The following FAT4 variants were observed in gnomAD, a reference collection of about 807,000 sequenced individuals.
FAT4 encodes the protein protocadherin Fat 4.
A neutral mutation model predicts 303.9 loss-of-function variants in FAT4; 84 were observed. The observed-to-expected ratio is 0.28, with a 90% CI of 0.23 to 0.33. The LOEUF is 0.33. Among genes scored for constraint, FAT4 ranks in the 10% least tolerant of loss-of-function variants. The pLI is 1.00. For missense variants in FAT4, 6,005 were observed against 6,146.8 expected, an observed-to-expected ratio of 0.98 and a Z score of 0.77; for synonymous variants, 2,307 against 2,298.8, an observed-to-expected ratio of 1.00 and a Z score of -0.10.
chr4:125,338,665 AG>A (rs1380367015), intron 2 of FAT4, among the ~76,000 whole-genome samples: 2 of 152,120 alleles, frequency 1.3e-5, no homozygotes, highest in East Asian at 3.9e-4. Context: ...GTGATGAAAA[AG>A]TTTCACCAGC....
In FAT4 at chr4:125,320,548, C is replaced by T. The variant is rs1730894794; in HGVS notation, c.4137C>T (p.Asp1379=). 4 of 1,613,956 alleles carry T rather than the reference C, an allele frequency of 2.5e-6. No individual in the cohort carries two copies. The East Asian group carries it at 8.9e-5, about 36-fold the overall frequency. The part of the protein sequence containing the change: ...TGSIFLAKKL[D]FETQSLYKLN... Reference sequence around the variant, plus strand: ...GTATTTTTCTTGCCAAAAAACTGGACTTTGAAACACAGTCTTTGTATAAAT... The same window carrying T: ...GTATTTTTCTTGCCAAAAAACTGGATTTTGAAACACAGTCTTTGTATAAAT... Residue 1379 remains aspartate, a synonymous_variant, in exon 2 of 18, where the codon GAC becomes GAT. Transcript: ENST00000394329.
chr4:125,483,093 C>A (rs189283462), intron 16 of FAT4, among the ~76,000 whole-genome samples: 1 of 152,246 alleles, frequency 6.6e-6, no homozygotes, highest in Non-Finnish European at 1.5e-5. Flanking sequence ...TCATTAGTGC[C>A]AAATGGCAGA....
chr4:125,443,240 T>C (rs1725719415), intron 8 of FAT4, among the ~76,000 whole-genome samples: 1 of 152,212 alleles, frequency 6.6e-6, no homozygotes, highest in African/African-American at 2.4e-5. Flanking sequence ...CAGTGGTCTC[T>C]GTTTATGCAA....
chr4:125,343,954 A>G (rs1731897062), intron 2 of FAT4, among the ~76,000 whole-genome samples: 1 of 152,142 alleles, frequency 6.6e-6, no homozygotes, highest in South Asian at 2.1e-4. Context: ...GTTCTAATAG[A>G]TGATTTGATA....
At chr4:125,447,223 A>C in intron 9 of FAT4, among the ~76,000 whole-genome samples, 1 of 152,068 alleles carries the variant, frequency 6.6e-6, no homozygotes, top group East Asian at 1.9e-4. Context: ...TGCCATTTTA[A>C]TTTTTAAAAT....
intron 8 of FAT4, among the ~76,000 whole-genome samples, chr4:125,436,046 CGGGGGAGG>C (rs1725438242): frequency 1.4e-4 from 2 of 14,188 alleles, no homozygotes; most frequent in African/African-American, 5.9e-4. Flanking sequence ...GTCATGGGGT[CGGGGGAGG>C]GGGGGAGGGA....
chr4:125,324,603 C>T (rs973505558), intron 2 of FAT4, among the ~76,000 whole-genome samples: 1 of 152,128 alleles, frequency 6.6e-6, no homozygotes, highest in Non-Finnish European at 1.5e-5. Flanking sequence ...TGTCAGGAAA[C>T]TCAACAAGGA....
chr4:125,434,129 A>T lies in FAT4; in HGVS notation c.7019-116A>T, dbSNP rs1363906816. 8 of 884,652 alleles carry T rather than the reference A, an allele frequency of 9.0e-6. No individual in the cohort carries two copies. The East Asian group carries it at 2.1e-4, about 23-fold the overall frequency. The allele number at this position is 884,652 out of a possible 1,614,324, so 54.8% of individuals were successfully genotyped here. ...TCACTCAATCACTTATGTGTTCAGA[A>T]ATTTTACTTTGATGTTTCCTAAATT... On this transcript the variant is annotated intron_variant, in intron 7 of 17. Coordinates refer to ENST00000394329, the MANE Select transcript of FAT4 (RefSeq NM_001291303.3).
chr4:125,456,310 C>T (rs1268735471), intron 10 of FAT4, among the ~76,000 whole-genome samples: 1 of 152,116 alleles, frequency 6.6e-6, no homozygotes, highest in Non-Finnish European at 1.5e-5. Flanking sequence ...ATCATAAACT[C>T]TTTCTAGGGA....
Position 125,317,183 on chromosome 4 carries a change from G to C in FAT4, c.772G>C (p.Gly258Arg), listed in dbSNP as rs1435183919. 8 of 1,598,746 alleles carry C rather than the reference G, an allele frequency of 5.0e-6. No individual in the cohort carries two copies. Among genetic ancestry groups the C allele is most frequent in the Non-Finnish European group, 6.0e-6 (7 of 1,169,754 alleles). Residue 258 changes from glycine (G) to arginine (R), a missense_variant, in exon 2 of 18, where the codon GGG (glycine) becomes CGG (arginine). Gly to Arg is a moderately radical substitution (Grantham distance 125). Transcript: ENST00000394329. This position sits in a 1 kb window ranked among gnomAD's most constrained non-coding sequence, Gnocchi z 7.0. ...TTTTGGCAGTTCTCACTACCAGGCG[G>C]GGGTGCCTGAGGACGCGGTTGTGGG... The part of the protein sequence containing the change: ...PVFGSSHYQA[G>R]VPEDAVVGSS...
chr4:125,446,986 G>T (rs1379776922), intron 9 of FAT4, among the ~76,000 whole-genome samples: 2 of 151,898 alleles, frequency 1.3e-5, no homozygotes, highest in African/African-American at 2.4e-5. Context: ...ATGAATATTT[G>T]ACTTCAATTT....
intron 5 of FAT4, among the ~76,000 whole-genome samples, chr4:125,413,514 G>A (rs1734923859): frequency 6.6e-6 from 1 of 151,798 alleles, no homozygotes; most frequent in Admixed American, 6.6e-5. Flanking sequence ...TTGTTAATAA[G>A]TCATTGTCTG....
At chr4:125,469,030 A>T (rs1726772026) in intron 12 of FAT4, among the ~76,000 whole-genome samples, 2 of 152,232 alleles carry the variant, frequency 1.3e-5, no homozygotes, top group Admixed American at 1.3e-4. Context: ...CTAGTGCGTG[A>T]AATAATTTCA....
In FAT4 at chr4:125,411,986, A is replaced by G. The variant is rs368201914; in HGVS notation, c.5921-2898A>G. ...GTTCACAGTGGGCTGTTTGAAGTTT[A>G]AAGATCTGGTGGGCCATTAAAGCCC... On this transcript the variant is annotated intron_variant, in intron 5 of 17. Transcript: ENST00000394329. Among the ~76,000 whole-genome samples the G allele has an allele frequency of 1.5e-4, 22 of 151,658 alleles. 1 individual carries two copies. Among genetic ancestry groups the G allele is most frequent in the Admixed American group, 1.2e-3 (18 of 15,220 alleles).
rs1443714897 is a variant in FAT4, at chr4:125,414,948, C to A, written c.5985C>A (p.Asp1995Glu). The A allele has an allele frequency of 1.9e-6, 3 of 1,613,594 alleles. No homozygotes were observed. The African/African-American group carries it at 4.0e-5, about 22-fold the overall frequency. The stretch of plus-strand genomic sequence containing the variant: ...ATAGCCTTGGGCAGTTTACTGTTGA[C>A]AAGAATGGTGTACTCAAAGTCCTAA... ...SGDSLGQFTV[D>E]KNGVLKVLKA... Residue 1995 changes from aspartate to glutamate, a missense_variant, in exon 6 of 18, where the codon GAC becomes GAA. Coordinates refer to ENST00000394329, the MANE Select transcript of FAT4 (RefSeq NM_001291303.3).
Position 125,318,539 on chromosome 4 carries a change from A to C in FAT4, c.2128A>C (p.Thr710Pro). 1.2e-6 allele frequency: 2 copies of C among 1,614,106 alleles called. No homozygotes were observed. Among genetic ancestry groups the C allele is most frequent in the African/African-American group, 2.7e-5 (2 of 75,028 alleles). Residue 710 changes from threonine (T) to proline (P), a missense_variant, in exon 2 of 18, where the codon ACT (threonine) becomes CCT (proline). Physicochemically the swap from Thr to Pro is conservative, Grantham distance 38. Coordinates refer to ENST00000394329, the MANE Select transcript of FAT4 (RefSeq NM_001291303.3). ...ENEPGGSYIT[T>P]VSATDPDLGT... ...TGAGCCTGGAGGTAGCTACATCACC[A>C]CTGTGTCTGCCACTGACCCAGACTT...
intron 3 of FAT4, 43 bp downstream of exon 3, chr4:125,398,958 A>C (rs1338403647): frequency 6.3e-7 from 1 of 1,598,944 alleles, no homozygotes. Context: ...TTCGTAGTGC[A>C]GTGATTTATC....
chr4:125,331,597 A>G (rs1056945559), intron 2 of FAT4, among the ~76,000 whole-genome samples: 23 of 152,204 alleles, frequency 1.5e-4, no homozygotes, highest in Non-Finnish European at 3.1e-4. Context: ...TAGAAAATAT[A>G]TATCACAGTG....
At chr4:125,434,000 A>G (rs1275676954) in intron 7 of FAT4, among the ~76,000 whole-genome samples, 4 of 152,188 alleles carry the variant, frequency 2.6e-5, no homozygotes, top group African/African-American at 7.2e-5. Flanking sequence ...GCACCTTTAA[A>G]ATAGAATAAG....
Sources: allele counts gnomAD v4.1 joint callset (sites outside exome capture counted in the v4.1 genomes callset), GRCh38; gene constraint gnomAD v4.1.1; non-coding constraint Gnocchi (gnomAD v3.1); transcripts MANE v1.5; gene names NCBI Gene and HGNC (gene_info 2026-07-23, HGNC 2026-07-21).